HSPA12A: variants seen among roughly 807,000 people sequenced by gnomAD.
HSPA12A encodes heat shock protein family A (Hsp70) member 12A.
In HSPA12A, 28 loss-of-function variants were observed where a neutral mutation model predicts 69.2. The ratio of observed to expected loss-of-function variants is 0.40; its 90% CI spans 0.30 to 0.55. The LOEUF (loss-of-function observed/expected upper bound fraction) is 0.55, where lower values mean the gene tolerates loss of function less well. HSPA12A is among the 20% of genes least tolerant of loss of function. HSPA12A has a pLI of 0.38. For synonymous variants in HSPA12A, 345 were observed against 370.5 expected, an observed-to-expected ratio of 0.93 and a Z score of 0.79; for missense variants, 686 against 900.7, an observed-to-expected ratio of 0.76 and a Z score of 3.05.
At chr10:116,753,383 A>G (rs1843752615) in intron 2 of HSPA12A, among the ~76,000 whole-genome samples, 1 of 152,230 alleles carries the variant, frequency 6.6e-6, no homozygotes, top group African/African-American at 2.4e-5. Context: ...CACTATGATC[A>G]GTGGTGAGAT....
At chr10:116,704,054 C>T (rs1002235858) in intron 3 of HSPA12A, among the ~76,000 whole-genome samples, 13 of 152,148 alleles carry the variant, frequency 8.5e-5, no homozygotes, top group Non-Finnish European at 8.8e-5. Flanking sequence ...GTCAGTGTGG[C>T]GATTCCTCAG....
chr10:116,692,685 G>A (rs1554880308), intron 5 of HSPA12A, among the ~76,000 whole-genome samples: 1 of 152,152 alleles, frequency 6.6e-6, no homozygotes, highest in Admixed American at 6.5e-5. Flanking sequence ...TGGGACCGTG[G>A]GCTGGAGAAA....
At chr10:116,834,954 C>T (rs975785518) in exon 2 of HSPA12A, 2 of 1,231,598 alleles carry the variant, frequency 1.6e-6, no homozygotes, top group Admixed American at 4.2e-5. Flanking sequence ...CTATTTCCCA[C>T]CTTGAATCAC....
rs375673148 is a variant in HSPA12A at position 116,674,918 on chromosome 10, T to G, written c.1891A>C (p.Thr631Pro). ...CGGGCGGGCACCGCAGTGCCACTGG[T>G]CCCTGTGAGATCCAGGCGGAGCGTG... The part of the protein sequence containing the change: ...CGTLRLDLTG[T>P]SGTAVPARRE... Residue 631 changes from threonine (T) to proline (P), a missense_variant, in exon 12 of 12, where the codon ACC becomes CCC. Coordinates refer to ENST00000369209, the MANE Select transcript of HSPA12A (RefSeq NM_025015.3). The G allele has an allele frequency of 7.4e-6, 12 of 1,613,994 alleles. No homozygotes were observed. The highest frequency in any genetic ancestry group is 1.0e-5 in the Non-Finnish European group (12 of 1,180,030).
chr10:116,783,667 TG>T (rs376967484), intron 2 of HSPA12A, among the ~76,000 whole-genome samples: 45 of 152,158 alleles, frequency 3.0e-4, no homozygotes, highest in African/African-American at 1.1e-3. Context: ...TAGTCTTAAG[TG>T]GGGGGAAAAA....
At chr10:116,782,621 A>G (rs1844487833) in intron 2 of HSPA12A, among the ~76,000 whole-genome samples, 1 of 152,244 alleles carries the variant, frequency 6.6e-6, no homozygotes, top group Non-Finnish European at 1.5e-5. Context: ...CTCCTGTGTG[A>G]CACTATTGTC....
At chr10:116,733,305 G>A (rs564937671) in intron 1 of HSPA12A, among the ~76,000 whole-genome samples, 12 of 152,178 alleles carry the variant, frequency 7.9e-5, no homozygotes, top group Non-Finnish European at 1.6e-4. Flanking sequence ...AAACATGGGA[G>A]ACAAGCAAAG....
intron 2 of HSPA12A, among the ~76,000 whole-genome samples, chr10:116,813,666 C>G (rs937850319): frequency 2.0e-5 from 3 of 152,054 alleles, no homozygotes; most frequent in African/African-American, 7.2e-5. Flanking sequence ...ATTGCTTGAG[C>G]CTGGGAGTTC....
chr10:116,756,458 T>C (rs1165962670), intron 2 of HSPA12A, among the ~76,000 whole-genome samples: 3 of 152,216 alleles, frequency 2.0e-5, no homozygotes, highest in African/African-American at 7.2e-5. Flanking sequence ...GAAATGTCAG[T>C]CCCCACAAAA....
chr10:116,707,133 G>T (rs1850275486), intron 2 of HSPA12A, 67 bp downstream of exon 2: 2 of 1,308,470 alleles, frequency 1.5e-6, no homozygotes, highest in Non-Finnish European at 2.1e-6. Flanking sequence ...ACGCACGTGT[G>T]CTCATGCGCA....
Position 116,698,695 on chromosome 10 carries a change from T to C in HSPA12A, c.486A>G (p.Lys162=), listed in dbSNP as rs1849989038. The C allele has an allele frequency of 6.2e-7, 1 of 1,614,156 alleles. No individual in the cohort carries two copies. Among genetic ancestry groups the C allele is most frequent in the Non-Finnish European group, 8.5e-7 (1 of 1,179,950 alleles). ...AAGCAAAGATTTCAAGGGCTTTGAC[T>C]TTCTTGCCATTTGCTGCCGTCAGGT... ...DTDLTAANGK[K]VKALEIFAYA... Residue 162 remains lysine, a synonymous_variant, in exon 5 of 12, where the codon AAA becomes AAG. Coordinates refer to ENST00000369209, the MANE Select transcript of HSPA12A (RefSeq NM_025015.3).
rs1459520084 is a variant in HSPA12A at position 116,681,034 on chromosome 10, C to T, written c.1027+118G>A. On this transcript the variant is annotated intron_variant, in intron 9 of 11. Transcript: ENST00000369209. ...AGACATTAGTATCCTCCACCGCCTACGATCCCACATGTTAGTGGCATTCAA... is the reference window on the plus strand; with the variant it reads ...AGACATTAGTATCCTCCACCGCCTATGATCCCACATGTTAGTGGCATTCAA... The T allele has an allele frequency of 1.6e-5, 11 of 689,984 alleles. 1 individual carries two copies. The Middle Eastern group carries it at 9.7e-4, about 61-fold the overall frequency. 42.7% of individuals were successfully genotyped at this position (689,984 alleles called of 1,614,324 possible).
chr10:116,754,611 TCA>T (rs1470929415), intron 2 of HSPA12A, among the ~76,000 whole-genome samples: 5 of 152,174 alleles, frequency 3.3e-5, no homozygotes, highest in African/African-American at 9.7e-5. Context: ...TCTGTATCTC[TCA>T]GAGTCCAAGA....
chr10:116,734,054 C>T (rs543490106), intron 1 of HSPA12A, among the ~76,000 whole-genome samples: 99 of 152,228 alleles, frequency 6.5e-4, no homozygotes, highest in Non-Finnish European at 9.8e-4. Context: ...ACCTTGCTAC[C>T]GGAACCTTTC....
At chr10:116,711,605 C>G (rs11815267) in intron 1 of HSPA12A, among the ~76,000 whole-genome samples, 1 of 151,428 alleles carries the variant, frequency 6.6e-6, no homozygotes, top group African/African-American at 2.4e-5. Context: ...TCCCATAATA[C>G]AGAGAGAGTC....
intron 1 of HSPA12A, among the ~76,000 whole-genome samples, chr10:116,730,551 G>A (rs1665643): frequency 0.92 from 140,111 of 152,298 alleles, 64,969 homozygotes; most frequent in Non-Finnish European, 0.98. Flanking sequence ...GTGGCACCAC[G>A]ATCTGAACCA....
chr10:116,745,646 A>G (rs1357347974), upstream of HSPA12A, among the ~76,000 whole-genome samples: 5 of 152,056 alleles, frequency 3.3e-5, no homozygotes, highest in Admixed American at 2.6e-4. Flanking sequence ...CAGGTCCCCA[A>G]AGAGCCAGTG....
chr10:116,795,515 TAA>T (rs112773070), intron 2 of HSPA12A, among the ~76,000 whole-genome samples: 4 of 140,776 alleles, frequency 2.8e-5, no homozygotes, highest in Non-Finnish European at 3.1e-5. Flanking sequence ...CTGCCGCTAC[TAA>T]AAAAAAAAAA....
At chr10:116,812,463 TAAAATAAAATAAATA>T (rs1333748075) in intron 2 of HSPA12A, among the ~76,000 whole-genome samples, 1 of 150,612 alleles carries the variant, frequency 6.6e-6, no homozygotes, top group East Asian at 2.1e-4. Flanking sequence ...AAAAATAAAA[TAAAATAAAATAAATA>T]AAATAAAATA....
Sources: gnomAD v4.1 joint callset for allele counts (sites outside exome capture counted in the v4.1 genomes callset) on GRCh38, gnomAD v4.1.1 for gene constraint, MANE v1.5 for transcripts, NCBI Gene and HGNC (gene_info 2026-07-23, HGNC 2026-07-21) for gene names.